Variants in SLC24A3 observed in about 807,000 individuals in gnomAD.
SLC24A3 encodes solute carrier family 24 member 3, also known as sodium/potassium/calcium exchanger 3.
Under a neutral mutation model 75.8 loss-of-function variants are expected in SLC24A3, and 28 were observed. The observed-to-expected ratio is 0.37, with a 90% CI of 0.27 to 0.51. The LOEUF (loss-of-function observed/expected upper bound fraction) is 0.51, where lower values mean the gene tolerates loss of function less well. SLC24A3 is among the 20% of genes least tolerant of loss of function. The pLI is 0.94. For synonymous variants in SLC24A3, 372 were observed against 334.1 expected, an observed-to-expected ratio of 1.11 and a Z score of -1.24; for missense variants, 663 against 847.8, an observed-to-expected ratio of 0.78 and a Z score of 2.71.
At chr20:19,715,314 A>C (rs1287560645) in intron 15 of SLC24A3, among the ~76,000 whole-genome samples, 3 of 152,232 alleles carry the variant, frequency 2.0e-5, no homozygotes, top group Non-Finnish European at 4.4e-5. Flanking sequence ...AGGAAAGTCT[A>C]TCCGCAGTCA....
intron 6 of SLC24A3, among the ~76,000 whole-genome samples, chr20:19,616,799 G>A (rs1416520623): frequency 6.6e-6 from 1 of 152,100 alleles, no homozygotes; most frequent in Non-Finnish European, 1.5e-5. Context: ...TCAGCCAAGA[G>A]CCCAAACCTG....
chr20:19,632,645 G>A (rs1476304568), intron 6 of SLC24A3, among the ~76,000 whole-genome samples: 1 of 152,024 alleles, frequency 6.6e-6, no homozygotes, highest in Admixed American at 6.6e-5. Context: ...CAGGGATTAG[G>A]ATATTCAACT....
intron 3 of SLC24A3, among the ~76,000 whole-genome samples, chr20:19,544,951 G>A (rs529671309): frequency 1.3e-5 from 2 of 152,300 alleles, no homozygotes; most frequent in Middle Eastern, 3.4e-3. Flanking sequence ...AAATAGAAGC[G>A]TGGAAAGGAA....
At chr20:19,558,128 CA>C (rs2030819527) in intron 3 of SLC24A3, among the ~76,000 whole-genome samples, 1 of 152,118 alleles carries the variant, frequency 6.6e-6, no homozygotes, top group Non-Finnish European at 1.5e-5. Flanking sequence ...CTTGAAGAAA[CA>C]TCAGGTTCTC....
chr20:19,395,183 G>T (rs982625258), intron 2 of SLC24A3, among the ~76,000 whole-genome samples: 1 of 152,138 alleles, frequency 6.6e-6, no homozygotes, highest in Non-Finnish European at 1.5e-5. Context: ...CCAGGTACTG[G>T]GGGGAGAAAT....
In SLC24A3 at chr20:19,667,620, G is replaced by A. The variant is rs552520648; in HGVS notation, c.713+1731G>A. ...GCAGCTGTTGTGCAGAAACATGTTAGGAAAGGCTACCCAGGATGGTTTGCT... is the reference window on the plus strand; with the variant it reads ...GCAGCTGTTGTGCAGAAACATGTTAAGAAAGGCTACCCAGGATGGTTTGCT... On this transcript the variant is annotated intron_variant, in intron 8 of 16. Transcript: ENST00000328041. Among the ~76,000 whole-genome samples, 5 of 152,312 alleles carry A rather than the reference G, an allele frequency of 3.3e-5. No individual in the cohort carries two copies. In the South Asian group the frequency reaches 1.0e-3, roughly 32 times the overall value.
chr20:19,292,042 T>C (rs1465400440), intron 2 of SLC24A3, among the ~76,000 whole-genome samples: 1 of 151,956 alleles, frequency 6.6e-6, no homozygotes, highest in Non-Finnish European at 1.5e-5. Context: ...CTGAGCAGAG[T>C]GATGGATGTA....
At chr20:19,324,963 C>G (rs1200874064) in intron 2 of SLC24A3, among the ~76,000 whole-genome samples, 1 of 151,472 alleles carries the variant, frequency 6.6e-6, no homozygotes, top group Non-Finnish European at 1.5e-5. Flanking sequence ...CATTCAAGAA[C>G]CACAGCTCTG....
intron 3 of SLC24A3, among the ~76,000 whole-genome samples, chr20:19,522,114 G>A (rs982513747): frequency 2.0e-5 from 3 of 152,156 alleles, no homozygotes; most frequent in African/African-American, 7.2e-5. Context: ...GTGTGAATGA[G>A]GAGCTAACTT....
intron 1 of SLC24A3, among the ~76,000 whole-genome samples, chr20:19,270,838 GGA>G (rs1983308533): frequency 6.6e-6 from 1 of 152,044 alleles, no homozygotes; most frequent in Non-Finnish European, 1.5e-5. Flanking sequence ...CTAGAAGAGA[GGA>G]GAGAGAGAGG....
At chr20:19,598,208 A>G (rs1050957522) in intron 6 of SLC24A3, among the ~76,000 whole-genome samples, 27 of 152,236 alleles carry the variant, frequency 1.8e-4, no homozygotes, top group Admixed American at 1.0e-3. Context: ...GAAGTAAGAC[A>G]TTTGTGGCCT....
intron 3 of SLC24A3, among the ~76,000 whole-genome samples, chr20:19,579,772 T>C (rs1211073210): frequency 6.6e-6 from 1 of 152,064 alleles, no homozygotes. Flanking sequence ...ATCCATGACA[T>C]GTTTCATGGA....
At chr20:19,714,389 A>G (rs1358962111) in intron 15 of SLC24A3, among the ~76,000 whole-genome samples, 2 of 147,162 alleles carry the variant, frequency 1.4e-5, no homozygotes, top group African/African-American at 2.5e-5. Flanking sequence ...TGGACAACAC[A>G]ATGAGACCCA....
chr20:19,509,572 A>G (rs1162337969), intron 2 of SLC24A3, among the ~76,000 whole-genome samples: 1 of 152,236 alleles, frequency 6.6e-6, no homozygotes, highest in African/African-American at 2.4e-5. Context: ...CACACCTGCA[A>G]GGCACCAGAG....
chr20:19,404,224 G>A (rs993852463), intron 2 of SLC24A3, among the ~76,000 whole-genome samples: 2 of 152,288 alleles, frequency 1.3e-5, no homozygotes, highest in South Asian at 2.1e-4. Context: ...TGGGAGCTGG[G>A]AATATCTCGG....
chr20:19,337,465 TAAA>T lies in SLC24A3; in HGVS notation c.271+56379_271+56381del, dbSNP rs1568593272. On this transcript the variant is annotated intron_variant, in intron 2 of 16. Coordinates refer to ENST00000328041, the MANE Select transcript of SLC24A3 (RefSeq NM_020689.4). ...ATCTCAAAATAAGTAAATAAATAAA[TAAA>T]TAAATTAATTAATTAATTAAATAAA... Among the ~76,000 whole-genome samples, 28 of 133,964 alleles carry T rather than the reference TAAA, an allele frequency of 2.1e-4. No homozygotes were observed. In the South Asian group the frequency reaches 4.1e-3, roughly 20 times the overall value. 87.9% of individuals were successfully genotyped at this position (133,964 alleles called of 152,430 possible).
intron 2 of SLC24A3, among the ~76,000 whole-genome samples, chr20:19,431,908 T>C (rs867833456): frequency 2.0e-5 from 3 of 151,802 alleles, no homozygotes; most frequent in African/African-American, 7.3e-5. Context: ...AGAAAGACTT[T>C]CTGGATGGTG....
intron 2 of SLC24A3, among the ~76,000 whole-genome samples, chr20:19,359,761 G>T (rs1365945111): frequency 2.6e-5 from 4 of 152,158 alleles, no homozygotes; most frequent in Non-Finnish European, 4.4e-5. Flanking sequence ...GACAGGACTG[G>T]TCCTTTGGGG....
intron 15 of SLC24A3, among the ~76,000 whole-genome samples, chr20:19,706,828 G>A (rs6132229): frequency 0.086 from 13,109 of 152,152 alleles, 1,001 homozygotes; most frequent in East Asian, 0.21. Context: ...GCATTTGCAG[G>A]AGAGAGAGAA....
Sources: allele counts gnomAD v4.1 joint callset (sites outside exome capture counted in the v4.1 genomes callset), GRCh38; gene constraint gnomAD v4.1.1; transcripts MANE v1.5; gene names NCBI Gene and HGNC (gene_info 2026-07-23, HGNC 2026-07-21).